Variants in ARSG observed in about 807,000 individuals in gnomAD.
ARSG encodes the protein arylsulfatase G.
A neutral mutation model predicts 50.5 loss-of-function variants in ARSG; 37 were observed. The observed-to-expected ratio is 0.73, with a 90% CI of 0.56 to 0.96. ARSG has a LOEUF of 0.96. ARSG is among the 50% of genes least tolerant of loss of function. The pLI, the probability that ARSG is intolerant of heterozygous loss-of-function variation, is 0.00. For missense variants in ARSG, 629 were observed against 675.3 expected, an observed-to-expected ratio of 0.93 and a Z score of 0.76; for synonymous variants, 225 against 254.6, an observed-to-expected ratio of 0.88 and a Z score of 1.11.
chr17:68,438,936 A>G, the ARSG span, among the ~76,000 whole-genome samples: 1 of 152,232 alleles, frequency 6.6e-6, no homozygotes, highest in Non-Finnish European at 1.5e-5. Context: ...TGTTAAAAAC[A>G]CGATGAGATA....
At chr17:68,411,022 T>C (rs1909892396) in intron 11 of ARSG, among the ~76,000 whole-genome samples, 1 of 152,194 alleles carries the variant, frequency 6.6e-6, no homozygotes, top group Non-Finnish European at 1.5e-5. Flanking sequence ...CTTTTTTTCT[T>C]TATTTGTCTT....
At chr17:68,354,099 TAAA>T (rs1192856836) in intron 5 of ARSG, among the ~76,000 whole-genome samples, 2 of 151,184 alleles carry the variant, frequency 1.3e-5, no homozygotes, top group African/African-American at 4.9e-5. Context: ...TAATCTATGT[TAAA>T]AATCTCTTTT....
At chr17:68,323,112 A>ATT (rs140032466) in intron 2 of ARSG, among the ~76,000 whole-genome samples, 3 of 149,220 alleles carry the variant, frequency 2.0e-5, no homozygotes, top group African/African-American at 7.4e-5. Context: ...AGAACTGGTT[A>ATT]TTTTTTTTTT....
chr17:68,271,650 G>A lies in ARSG; in HGVS notation c.-552+12224G>A, dbSNP rs2075344262. ...AGCCAATGCGCTCCTTCAGAGCCAT[G>A]ATTGCTTGAATAGGCAGGAGTGAAG... is the stretch of plus-strand genomic sequence containing the variant. On this transcript the variant is annotated intron_variant, in intron 1 of 11. Coordinates refer to the ARSG transcript ENST00000448504. The surrounding 1 kb of genome is among the most constrained non-coding windows in gnomAD (Gnocchi z 5.3). 1 of 1,610,510 alleles carries A rather than the reference G, an allele frequency of 6.2e-7. No individual in the cohort carries two copies. The highest frequency in any genetic ancestry group is 8.5e-7 in the Non-Finnish European group (1 of 1,177,206).
At position 68,311,800 on chromosome 17, in the gene ARSG, C is replaced by CTT. The variant is rs36097952; in HGVS notation, c.218+4108_218+4109dup. On this transcript the variant is annotated intron_variant, in intron 2 of 11. Transcript: ENST00000621439. Reference sequence around the variant, plus strand: ...CAGACTTTTAGCCTCCTGTACTGTACTTTTTTTTTTTTTTTTTTTTGACGG... The same window carrying CTT: ...CAGACTTTTAGCCTCCTGTACTGTACTTTTTTTTTTTTTTTTTTTTTTGACGG... 4.5e-3 allele frequency among the ~76,000 whole-genome samples: 529 copies of CTT among 116,336 alleles called. 17 individuals are homozygous for CTT. Among genetic ancestry groups the CTT allele is most frequent in the African/African-American group, 0.01 (310 of 30,656 alleles). The allele number at this position is 116,336 out of a possible 152,430, so 76.3% of individuals were successfully genotyped here. A position where few individuals can be genotyped will look rare whatever the true frequency, so the allele number is the denominator to read the frequency against.
chr17:68,434,066 G>T, the ARSG span, among the ~76,000 whole-genome samples: 10 of 152,068 alleles, frequency 6.6e-5, no homozygotes, highest in East Asian at 1.9e-3. Context: ...CACCGCGCCC[G>T]GCCCATAGTC....
intron 8 of ARSG, among the ~76,000 whole-genome samples, 193 bp from the exon 9 acceptor site, chr17:68,384,871 G>A (rs1386455490): frequency 2.0e-5 from 3 of 152,192 alleles, no homozygotes; most frequent in Admixed American, 6.5e-5. Flanking sequence ...TACATCTGAA[G>A]TCCAGTAAAA....
chr17:68,263,242 AC>A (rs199845258), intron 1 of ARSG, among the ~76,000 whole-genome samples: 1 of 21,726 alleles, frequency 4.6e-5, no homozygotes, highest in African/African-American at 8.8e-4. Flanking sequence ...AGAGTCATTA[AC>A]GAGAACTGAA....
intron 3 of ARSG, chr17:68,346,869 C>A: frequency 6.3e-6 from 9 of 1,423,540 alleles, no homozygotes; most frequent in South Asian, 2.4e-5. Flanking sequence ...CTTCTCCGGG[C>A]TCCTGGTGAT....
chr17:68,426,112 C>T (rs1243828704), downstream of ARSG: 2 of 1,612,666 alleles, frequency 1.2e-6, no homozygotes, highest in South Asian at 1.1e-5. Flanking sequence ...ACACACTGGT[C>T]CCGTCGCAAA....
intron 6 of ARSG, among the ~76,000 whole-genome samples, chr17:68,364,846 G>T (rs950099342): frequency 6.6e-6 from 1 of 152,136 alleles, no homozygotes; most frequent in African/African-American, 2.4e-5. Flanking sequence ...TTCAGCACAG[G>T]TGCATAATGA....
the ARSG span, chr17:68,429,013 C>T: frequency 2.8e-6 from 3 of 1,078,854 alleles, no homozygotes; most frequent in South Asian, 2.7e-5. Context: ...CAAAGCCCCC[C>T]TCACCCTAGC....
In ARSG at chr17:68,343,665, G is replaced by A. The variant is rs199908350; in HGVS notation, c.280G>A (p.Gly94Ser). ...ACCCTCCCGGGCTTCCTTGCTCACC[G>A]GCCGGCTTGGCCTTCGCAATGGAGT... ...CSPSRASLLT[G>S]RLGLRNGVTR... is the part of the protein sequence containing the mutation. Residue 94 changes from glycine to serine, a missense_variant, in exon 3 of 12, where the codon GGC (glycine) becomes AGC (serine). Gly to Ser is a moderately conservative substitution (Grantham distance 56). Coordinates refer to ENST00000621439, the MANE Select transcript of ARSG (RefSeq NM_001267727.2). The A allele has an allele frequency of 1.4e-5, 23 of 1,614,074 alleles. No homozygotes were observed. The highest frequency in any genetic ancestry group is 1.3e-5 in the Non-Finnish European group (15 of 1,179,978).
Position 68,271,475 on chromosome 17 carries a change from C to T in ARSG, c.-552+12049C>T. On this transcript the variant is annotated intron_variant, in intron 1 of 11. Transcript: ENST00000448504. The surrounding 1 kb of genome is among the most constrained non-coding windows in gnomAD (Gnocchi z 5.3). ...GAGTCTATTGAGGTTCGTGTTTTCTCATTTTCAAGCATATACTGCGCTTCT... is the reference window on the plus strand; with the variant it reads ...GAGTCTATTGAGGTTCGTGTTTTCTTATTTTCAAGCATATACTGCGCTTCT... 2.5e-6 allele frequency: 4 copies of T among 1,614,094 alleles called. No individual in the cohort carries two copies. Among genetic ancestry groups the T allele is most frequent in the Non-Finnish European group, 3.4e-6 (4 of 1,180,024 alleles).
intron 1 of ARSG, among the ~76,000 whole-genome samples, chr17:68,291,947 G>C (rs1599583580): frequency 6.6e-6 from 1 of 152,036 alleles, no homozygotes; most frequent in African/African-American, 2.4e-5. Context: ...GCCCCGGGCA[G>C]AACAGGTTCC....
downstream of ARSG, among the ~76,000 whole-genome samples, chr17:68,423,833 C>T (rs565996061): frequency 2.0e-5 from 3 of 152,320 alleles, no homozygotes; most frequent in Admixed American, 6.5e-5. This position sits in a 1 kb window ranked among gnomAD's most constrained non-coding sequence, Gnocchi z 4.4. Context: ...ATCCACATTA[C>T]CCCAATTCTG....
At position 68,270,784 on chromosome 17, in the gene ARSG, G is replaced by A. The variant is rs541736919; in HGVS notation, c.-552+11358G>A. 382 of 1,443,478 alleles carry A rather than the reference G, an allele frequency of 2.6e-4. 1 individual carries two copies. The East Asian group carries it at 8.8e-3, about 33-fold the overall frequency. 89.4% of individuals were successfully genotyped at this position (1,443,478 alleles called of 1,614,324 possible). A position where few individuals can be genotyped will look rare whatever the true frequency, so the allele number is the denominator to read the frequency against. On this transcript the variant is annotated intron_variant, in intron 1 of 11. Coordinates refer to the ARSG transcript ENST00000448504. ...TTTTTATGGCTTGAACAGGAAGCTAGCACAATTCACAAGGGAAAGTAGACA... is the reference window on the plus strand; with the variant it reads ...TTTTTATGGCTTGAACAGGAAGCTAACACAATTCACAAGGGAAAGTAGACA...
At chr17:68,288,292 G>A (rs2075890877), upstream of ARSG, among the ~76,000 whole-genome samples, 1 of 152,144 alleles carries the variant, frequency 6.6e-6, no homozygotes, top group South Asian at 2.1e-4. Context: ...GAGCCACTGT[G>A]CCCGGCCTTC....
At chr17:68,371,756 G>A (rs1006901004) in intron 8 of ARSG, among the ~76,000 whole-genome samples, 4 of 152,102 alleles carry the variant, frequency 2.6e-5, no homozygotes, top group Non-Finnish European at 4.4e-5. Context: ...TAAGAAGATA[G>A]TGCTTAAAGA....
Sources: allele counts gnomAD v4.1 joint callset (sites outside exome capture counted in the v4.1 genomes callset), GRCh38; gene constraint gnomAD v4.1.1; non-coding constraint Gnocchi (gnomAD v3.1); transcripts MANE v1.5; gene names NCBI Gene and HGNC (gene_info 2026-07-23, HGNC 2026-07-21).